The following AP3B1 variants were observed in gnomAD, a reference collection of about 807,000 sequenced individuals.
AP3B1 encodes AP-3 complex subunit beta-1.
Under a neutral mutation model 132.5 loss-of-function variants are expected in AP3B1, and 61 were observed. The observed-to-expected ratio is 0.46, with a 90% CI of 0.37 to 0.57. AP3B1 has a LOEUF of 0.57. Ranked by LOEUF, AP3B1 falls within the 20% of genes least tolerant of loss-of-function variation. AP3B1 has a pLI of 0.00. For missense variants in AP3B1, 1,120 were observed against 1,289.4 expected, an observed-to-expected ratio of 0.87 and a Z score of 2.01; for synonymous variants, 388 against 438.3, an observed-to-expected ratio of 0.89 and a Z score of 1.43.
downstream of AP3B1, chr5:78,001,254 TTCTG>T (rs1201544955): frequency 6.6e-6 from 1 of 152,232 alleles, no homozygotes; most frequent in African/African-American, 2.4e-5. Context: ...ACCTGTCAAA[TTCTG>T]TCTGACATTT....
chr5:78,075,529 G>A (rs761532415), intron 22 of AP3B1, among the ~76,000 whole-genome samples: 18 of 152,174 alleles, frequency 1.2e-4, no homozygotes, highest in Non-Finnish European at 2.1e-4. Flanking sequence ...TAACTCCACT[G>A]GCTGCCAATT....
chr5:78,129,090 CAT>C, intron 16 of AP3B1, 29 bp downstream of exon 16: 1 of 1,573,208 alleles, frequency 6.4e-7, no homozygotes, highest in South Asian at 1.2e-5. Context: ...TTTTAGATAA[CAT>C]ATATTTTGGA....
At chr5:78,148,354 A>G (rs1179722982) in intron 14 of AP3B1, among the ~76,000 whole-genome samples, 3 of 152,306 alleles carry the variant, frequency 2.0e-5, no homozygotes, top group African/African-American at 7.2e-5. Flanking sequence ...ATAATCAGAT[A>G]CATACTTCTC....
intron 22 of AP3B1, among the ~76,000 whole-genome samples, chr5:78,072,106 G>A (rs533930868): frequency 6.6e-6 from 1 of 152,190 alleles, no homozygotes; most frequent in East Asian, 1.9e-4. Context: ...AATGTATACA[G>A]GAGCAGGGAC....
intron 13 of AP3B1, 99 bp from the exon 14 acceptor site, chr5:78,156,466 T>C: frequency 2.2e-6 from 2 of 914,186 alleles, no homozygotes; most frequent in South Asian, 1.4e-5. Flanking sequence ...AACATTCTAT[T>C]TAATACAAGC....
intron 24 of AP3B1, among the ~76,000 whole-genome samples, chr5:78,027,962 C>G (rs1276853833): frequency 6.6e-6 from 1 of 151,978 alleles, no homozygotes; most frequent in Non-Finnish European, 1.5e-5. Context: ...CCCATCTCCA[C>G]TAAATATACA....
At chr5:78,053,420 G>A (rs536046535) in intron 22 of AP3B1, among the ~76,000 whole-genome samples, 6 of 152,158 alleles carry the variant, frequency 3.9e-5, no homozygotes, top group African/African-American at 1.2e-4. Context: ...AGCGGCTCAC[G>A]CCTGTAATCT....
At chr5:78,071,780 T>C (rs1749553570) in intron 22 of AP3B1, among the ~76,000 whole-genome samples, 1 of 152,208 alleles carries the variant, frequency 6.6e-6, no homozygotes, top group Non-Finnish European at 1.5e-5. Context: ...ATTACATCTA[T>C]ATTTCTAATG....
At chr5:78,184,686 C>CAAAAAAAAAAAAA (rs772722596) in intron 7 of AP3B1, among the ~76,000 whole-genome samples, 2 of 110,560 alleles carry the variant, frequency 1.8e-5, no homozygotes, top group Admixed American at 9.2e-5. Context: ...GACACTGTCT[C>CAAAAAAAAAAAAA]AAAAAAAAAA....
At chr5:78,101,685 C>T (rs941965082) in intron 20 of AP3B1, among the ~76,000 whole-genome samples, 39 of 152,018 alleles carry the variant, frequency 2.6e-4, no homozygotes, top group Admixed American at 2.6e-3. Flanking sequence ...CAGAGATTTG[C>T]TTATTCGGTC....
chr5:78,190,490 T>C (rs1744782864), intron 7 of AP3B1, among the ~76,000 whole-genome samples: 1 of 152,210 alleles, frequency 6.6e-6, no homozygotes, highest in South Asian at 2.1e-4. Context: ...TGTACTACTG[T>C]GGACTATGTT....
chr5:78,281,776 T>A (rs1215224788), intron 1 of AP3B1, among the ~76,000 whole-genome samples: 2 of 152,108 alleles, frequency 1.3e-5, no homozygotes, highest in Admixed American at 6.5e-5. Flanking sequence ...GGGTGCAGAG[T>A]TTCAGTGGTG....
chr5:78,007,815 C>T (rs1307727536), intron 26 of AP3B1, among the ~76,000 whole-genome samples: 1 of 152,082 alleles, frequency 6.6e-6, no homozygotes. Flanking sequence ...AACCATTACA[C>T]TATTGAATTA....
intron 14 of AP3B1, among the ~76,000 whole-genome samples, chr5:78,150,254 T>C (rs1443127557): frequency 6.6e-6 from 1 of 151,938 alleles, no homozygotes; most frequent in Non-Finnish European, 1.5e-5. Flanking sequence ...GGAGAAGAAA[T>C]AGCTGAAGAG....
chr5:78,109,321 A>G (rs972435495), intron 20 of AP3B1, among the ~76,000 whole-genome samples: 4 of 152,140 alleles, frequency 2.6e-5, no homozygotes, highest in African/African-American at 9.6e-5. Flanking sequence ...GGGGAGGGCA[A>G]TTGTCTACTT....
intron 1 of AP3B1, among the ~76,000 whole-genome samples, chr5:78,267,869 C>A (rs573176805): frequency 6.6e-6 from 1 of 151,962 alleles, no homozygotes; most frequent in South Asian, 2.1e-4. Context: ...GCAGCTCTAG[C>A]AAACTAATAC....
At position 78,039,100 on chromosome 5, in the gene AP3B1, G is replaced by A. The variant is rs1435816060; in HGVS notation, c.2752C>T (p.His918Tyr). The change falls in exon 23 of 27, where the codon CAC becomes TAC. Residue 918 changes from histidine (H) to tyrosine (Y), a missense_variant. By Grantham distance (83) the His-to-Tyr change is moderately conservative. This residue lies in a region of AP3B1 where 906 missense variants were observed against 997.1 expected (regional missense o/e 0.91). Coordinates refer to ENST00000255194, the MANE Select transcript of AP3B1 (RefSeq NM_003664.5). ...NTTDRKIENI[H>Y]IGEKKLPIGM... The stretch of plus-strand genomic sequence containing the variant: ...ATAGGAAGTTTTTTTTCCCCTATGT[G>A]GATATTTTCTATCTTTCGATCAGTA... The A allele has an allele frequency of 1.9e-6, 3 of 1,612,228 alleles. No homozygotes were observed. The African/African-American group carries it at 4.0e-5, about 22-fold the overall frequency.
intron 11 of AP3B1, among the ~76,000 whole-genome samples, chr5:78,168,014 A>G (rs375876994): frequency 0.016 from 1,270 of 80,888 alleles, 25 homozygotes; most frequent in African/African-American, 0.058. Context: ...AAACCTACTG[A>G]AAAAAAAAAA....
At chr5:78,007,818 T>A (rs1199306001) in intron 26 of AP3B1, among the ~76,000 whole-genome samples, 2 of 152,224 alleles carry the variant, frequency 1.3e-5, no homozygotes, top group African/African-American at 4.8e-5. Flanking sequence ...CATTACACTA[T>A]TGAATTAATA....
Sources: allele counts gnomAD v4.1 joint callset (sites outside exome capture counted in the v4.1 genomes callset), GRCh38; gene constraint gnomAD v4.1.1; regional missense constraint gnomAD v4.1.1; transcripts MANE v1.5; gene names NCBI Gene and HGNC (gene_info 2026-07-23, HGNC 2026-07-21).